Variants in SAAL1 observed in about 807,000 individuals in gnomAD.
The protein encoded by SAAL1 is protein SAAL1.
In SAAL1, 42 loss-of-function variants were observed where a neutral mutation model predicts 59.8. That is an observed-to-expected ratio of 0.70 (90% CI 0.55 to 0.91). SAAL1 has a LOEUF of 0.91. Among genes scored for constraint, SAAL1 ranks in the 40% least tolerant of loss-of-function variants. The pLI is 0.00. For missense variants in SAAL1, 542 were observed against 561.1 expected (o/e 0.97, Z 0.34); for synonymous variants, 191 against 194.3 (o/e 0.98, Z 0.14).
chr11:18,102,644 A>G (rs952250808), intron 2 of SAAL1, among the ~76,000 whole-genome samples: 7 of 152,222 alleles, frequency 4.6e-5, no homozygotes, highest in African/African-American at 1.4e-4. Flanking sequence ...AGCTATTGCT[A>G]AAGTCCAGGT....
chr11:18,094,722 C>T (rs973686565), intron 3 of SAAL1, among the ~76,000 whole-genome samples: 42 of 151,952 alleles, frequency 2.8e-4, no homozygotes, highest in African/African-American at 8.2e-4. Context: ...AGGTCAGAGA[C>T]GACAGTGAGG....
Position 18,097,727 on chromosome 11 carries a change from T to A in SAAL1, c.250-873A>T, listed in dbSNP as rs1848592035. On this transcript the variant is annotated intron_variant, in intron 2 of 11. Transcript: ENST00000524803. ...GGTGGCACATGCCTGCAGTCCCAGC[T>A]ACTTGGGAGGTTGAGGTGGGAGGAT... Among the ~76,000 whole-genome samples, 4 of 151,628 alleles carry A rather than the reference T, an allele frequency of 2.6e-5. No individual in the cohort carries two copies. The South Asian group carries it at 8.3e-4, about 32-fold the overall frequency.
In SAAL1 at chr11:18,090,408, T is replaced by C. The variant is rs372026951; in HGVS notation, c.473+26A>G. 7 of 1,598,270 alleles carry C rather than the reference T, an allele frequency of 4.4e-6. No individual in the cohort carries two copies. The African/African-American group carries it at 5.4e-5, about 12-fold the overall frequency. On this transcript the variant is annotated intron_variant, in intron 5 of 11. Transcript: ENST00000524803. ...TTATCTACTCTTATGAGTAACCTTA[T>C]AGAATTCATAAAAGGAAAAGCATAC...
chr11:18,080,542 C>A, intron 11 of SAAL1, 51 bp from the exon 12 acceptor site: 1 of 1,227,474 alleles, frequency 8.1e-7, no homozygotes, highest in Non-Finnish European at 1.2e-6. Flanking sequence ...GAAAAACGTG[C>A]TTTAAGGTAC....
At chr11:18,099,319 CA>C (rs1848608170) in intron 2 of SAAL1, among the ~76,000 whole-genome samples, 1 of 152,208 alleles carries the variant, frequency 6.6e-6, no homozygotes, top group African/African-American at 2.4e-5. Context: ...CTCAGGTATT[CA>C]TCTATTCATT....
chr11:18,089,233 T>A, intron 7 of SAAL1, 97 bp downstream of exon 7: 1 of 1,072,782 alleles, frequency 9.3e-7, no homozygotes. Context: ...CTATGTACTT[T>A]ATTCTGTTGT....
At chr11:18,093,092 A>G (rs941329213) in intron 3 of SAAL1, among the ~76,000 whole-genome samples, 9 of 152,188 alleles carry the variant, frequency 5.9e-5, no homozygotes, top group Admixed American at 5.9e-4. Context: ...ACATATCCAC[A>G]CTGTATGTGC....
At chr11:18,099,293 G>A (rs1848607981) in intron 2 of SAAL1, among the ~76,000 whole-genome samples, 2 of 152,086 alleles carry the variant, frequency 1.3e-5, no homozygotes, top group Admixed American at 1.3e-4. Flanking sequence ...TTCTTAACCA[G>A]CACAACATGC....
chr11:18,092,144 A>G (rs1418766295), intron 4 of SAAL1, 101 bp downstream of exon 4: 3 of 632,592 alleles, frequency 4.7e-6, no homozygotes, highest in Non-Finnish European at 8.3e-6. Context: ...CAAGACAAAG[A>G]AAGGACTGTC....
intron 3 of SAAL1, among the ~76,000 whole-genome samples, chr11:18,092,553 GA>G (rs1468681416): frequency 6.6e-6 from 1 of 152,166 alleles, no homozygotes; most frequent in East Asian, 1.9e-4. Context: ...AGCTATGCGA[GA>G]AGAACTTCTA....
intron 9 of SAAL1, among the ~76,000 whole-genome samples, chr11:18,086,496 C>G (rs527583384): frequency 2.6e-4 from 39 of 152,110 alleles, no homozygotes; most frequent in African/African-American, 9.4e-4. Context: ...GTCGGGAGTT[C>G]GAGCCCAGCC....
chr11:18,084,815 G>C (rs66585227), intron 9 of SAAL1, among the ~76,000 whole-genome samples: 19,194 of 152,166 alleles, frequency 0.13, 1,606 homozygotes, highest in African/African-American at 0.23. Flanking sequence ...GCCCAGGCTG[G>C]AGTACAATGG....
At chr11:18,101,737 A>G (rs1332255540) in intron 2 of SAAL1, among the ~76,000 whole-genome samples, 1 of 152,116 alleles carries the variant, frequency 6.6e-6, no homozygotes, top group Admixed American at 6.5e-5. Flanking sequence ...TTTATCTGTA[A>G]TAAGCCTTAA....
Position 18,089,405 on chromosome 11 carries a change from T to TCCA in SAAL1, c.694_695insTGG (p.Gln232delinsLeuGlu), listed in dbSNP as rs2134058428. ...CTGCTCTTCAGACTCTTCCTGGGGT[T>TCCA]GGTCCAGAGGCTGAGCAGCCCCATT... On this transcript the variant is annotated protein_altering_variant, in exon 7 of 12. Coordinates refer to ENST00000524803, the MANE Select transcript of SAAL1 (RefSeq NM_138421.3). The TCCA allele has an allele frequency of 3.1e-6, 5 of 1,609,590 alleles. No homozygotes were observed. In the East Asian group the frequency reaches 1.1e-4, roughly 36 times the overall value.
rs1848469027 is a variant in SAAL1 at position 18,086,849 on chromosome 11, T to C, written c.1042+17A>G. 6.7e-6 allele frequency: 10 copies of C among 1,495,092 alleles called. No homozygotes were observed. The East Asian group carries it at 2.4e-4, about 35-fold the overall frequency. 92.6% of individuals were successfully genotyped at this position (1,495,092 alleles called of 1,614,324 possible). A position where few individuals can be genotyped will look rare whatever the true frequency, so the allele number is the denominator to read the frequency against. ...AATGAAATGAAAAACAGTATGAGCC[T>C]GGGAAACTGTACTTGCCTTTTTCTA... On this transcript the variant is annotated intron_variant, in intron 9 of 11. Coordinates refer to ENST00000524803, the MANE Select transcript of SAAL1 (RefSeq NM_138421.3).
At chr11:18,100,712 A>G (rs1190860747) in intron 2 of SAAL1, among the ~76,000 whole-genome samples, 1 of 152,260 alleles carries the variant, frequency 6.6e-6, no homozygotes, top group East Asian at 1.9e-4. Flanking sequence ...TTCAAACTAT[A>G]AAGTATGTGG....
chr11:18,081,008 C>T (rs577107132), intron 11 of SAAL1, among the ~76,000 whole-genome samples: 4 of 152,080 alleles, frequency 2.6e-5, no homozygotes, highest in African/African-American at 9.6e-5. Context: ...TTATTGTAGA[C>T]TCAGGGGAGT....
Position 18,106,060 on chromosome 11 carries a change from G to T in SAAL1, c.-19C>A, listed in dbSNP as rs571490999. The T allele has an allele frequency of 6.3e-6, 10 of 1,588,978 alleles. No individual in the cohort carries two copies. Among genetic ancestry groups the T allele is most frequent in the Non-Finnish European group, 7.7e-6 (9 of 1,174,020 alleles). On this transcript the variant is annotated 5_prime_UTR_variant, in exon 1 of 12. Coordinates refer to ENST00000524803, the MANE Select transcript of SAAL1 (RefSeq NM_138421.3). Reference sequence around the variant, plus strand: ...GGTCCATGACTTTGTCGCGTCCCGCGCTTGAAGGCCGTGCCGGAAGCTGCG... The same window carrying T: ...GGTCCATGACTTTGTCGCGTCCCGCTCTTGAAGGCCGTGCCGGAAGCTGCG...
At chr11:18,086,843 T>C (rs1223052848) in intron 9 of SAAL1, 23 bp downstream of exon 9, 1 of 1,449,582 alleles carries the variant, frequency 6.9e-7, no homozygotes, top group Non-Finnish European at 9.2e-7. Context: ...AAAAACAGTA[T>C]GAGCCTGGGA....
Sources: allele counts gnomAD v4.1 joint callset (sites outside exome capture counted in the v4.1 genomes callset), GRCh38; gene constraint gnomAD v4.1.1; transcripts MANE v1.5; gene names NCBI Gene and HGNC (gene_info 2026-07-23, HGNC 2026-07-21).